The following ARHGAP29 variants were observed in gnomAD, a reference collection of about 807,000 sequenced individuals.
The protein encoded by ARHGAP29 is rho GTPase-activating protein 29.
ARHGAP29 carries 43 observed loss-of-function variants against 122.6 expected under a neutral mutation model. The observed-to-expected ratio is 0.35, with a 90% CI of 0.27 to 0.45. The LOEUF is 0.45. Among genes scored for constraint, ARHGAP29 ranks in the 20% least tolerant of loss-of-function variants. The pLI, the probability that ARHGAP29 is intolerant of heterozygous loss-of-function variation, is 1.00. For synonymous variants in ARHGAP29, 506 were observed against 497.1 expected, an observed-to-expected ratio of 1.02 and a Z score of -0.24; for missense variants, 1,303 against 1,477.2, an observed-to-expected ratio of 0.88 and a Z score of 1.93.
At chr1:94,184,637 C>G (rs961277908) in intron 18 of ARHGAP29, among the ~76,000 whole-genome samples, 1 of 151,582 alleles carries the variant, frequency 6.6e-6, no homozygotes, top group African/African-American at 2.4e-5. Flanking sequence ...GCCTGTGGTC[C>G]CAGCTACTCA....
chr1:94,229,882 C>T (rs1453352006), intron 2 of ARHGAP29, among the ~76,000 whole-genome samples: 1 of 151,344 alleles, frequency 6.6e-6, no homozygotes, highest in African/African-American at 2.4e-5. Flanking sequence ...ATCTGTGACA[C>T]AAGGATAATT....
chr1:94,252,433 T>C (rs1654132495), intron 1 of ARHGAP29, among the ~76,000 whole-genome samples: 1 of 152,136 alleles, frequency 6.6e-6, no homozygotes, highest in Non-Finnish European at 1.5e-5. Context: ...AAATAAAGGA[T>C]AGTTACAGTG....
intron 1 of ARHGAP29, among the ~76,000 whole-genome samples, chr1:94,270,186 T>A (rs1557896956): frequency 6.6e-6 from 1 of 152,186 alleles, no homozygotes; most frequent in Non-Finnish European, 1.5e-5. Context: ...CACTCTAGAA[T>A]GTGGAAAATA....
At chr1:94,310,331 G>A in the ARHGAP29 span, among the ~76,000 whole-genome samples, 2 of 152,162 alleles carry the variant, frequency 1.3e-5, no homozygotes, top group Non-Finnish European at 2.9e-5. Context: ...GGCTTCTACG[G>A]CCCGGGAAGA....
the ARHGAP29 span, among the ~76,000 whole-genome samples, chr1:94,304,421 C>A: frequency 6.6e-6 from 1 of 152,188 alleles, no homozygotes; most frequent in East Asian, 1.9e-4. Context: ...ATAACAGGCG[C>A]GAGCCACCAC....
At chr1:94,251,707 C>T (rs564328427) in intron 1 of ARHGAP29, among the ~76,000 whole-genome samples, 7 of 152,308 alleles carry the variant, frequency 4.6e-5, no homozygotes, top group South Asian at 4.1e-4. Flanking sequence ...CATACATCTA[C>T]GTGACTTGTT....
At chr1:94,242,460 G>A (rs1653630495), upstream of ARHGAP29, among the ~76,000 whole-genome samples, 1 of 152,058 alleles carries the variant, frequency 6.6e-6, no homozygotes, top group Non-Finnish European at 1.5e-5. Flanking sequence ...TAGCGTAAAG[G>A]AGGAGGAAAT....
At position 94,174,159 on chromosome 1, in the gene ARHGAP29, ATGT is replaced by A. The variant is rs1324763951; in HGVS notation, c.3493_3495del (p.Thr1165del). 6.2e-6 allele frequency: 10 copies of A among 1,614,004 alleles called. No individual in the cohort carries two copies. The highest frequency in any genetic ancestry group is 8.5e-6 in the Non-Finnish European group (10 of 1,180,016). On this transcript the variant is annotated inframe_deletion, in exon 23 of 23. Transcript: ENST00000260526. ...ATGATGGGAGCATGTGGTTTATAAA[ATGT>A]TGTCCAATGTTGAGGCTGCAGTGTT...
At chr1:94,205,833 G>T in intron 5 of ARHGAP29, 150 bp from the exon 6 acceptor site, 1 of 641,042 alleles carries the variant, frequency 1.6e-6, no homozygotes, top group Non-Finnish European at 2.7e-6. Flanking sequence ...GTCTGTTTAA[G>T]TGCCAGAACA....
At chr1:94,311,363 C>T in the ARHGAP29 span, among the ~76,000 whole-genome samples, 199 of 152,274 alleles carry the variant, frequency 1.3e-3, 2 homozygotes, top group African/African-American at 4.7e-3. Context: ...CTTTTCTTCT[C>T]TCCCTCTCTC....
At chr1:94,256,619 G>A (rs1197233483) in intron 1 of ARHGAP29, among the ~76,000 whole-genome samples, 6 of 122,650 alleles carry the variant, frequency 4.9e-5, no homozygotes, top group South Asian at 2.8e-4. Flanking sequence ...GTGCAGTGGC[G>A]CGATTCTCGG....
At chr1:94,281,033 A>G in the ARHGAP29 span, among the ~76,000 whole-genome samples, 1 of 152,280 alleles carries the variant, frequency 6.6e-6, no homozygotes, top group Non-Finnish European at 1.5e-5. Flanking sequence ...AAACATTTCA[A>G]TCCTTTCAAG....
intron 1 of ARHGAP29, among the ~76,000 whole-genome samples, chr1:94,271,693 A>C (rs1655000500): frequency 1.3e-5 from 2 of 152,216 alleles, no homozygotes. Flanking sequence ...ATGAGACTGC[A>C]TCCCCTCTCT....
At chr1:94,217,134 T>A (rs1350562168) in intron 3 of ARHGAP29, among the ~76,000 whole-genome samples, 1 of 152,216 alleles carries the variant, frequency 6.6e-6, no homozygotes, top group African/African-American at 2.4e-5. Flanking sequence ...CTGTATTTTT[T>A]TTCTATTGTT....
chr1:94,168,907 T>A lies in ARHGAP29; in HGVS notation c.*4962A>T, dbSNP rs145543316. Among the ~76,000 whole-genome samples, 1 of 152,228 alleles carries A rather than the reference T, an allele frequency of 6.6e-6. No individual in the cohort carries two copies. Among genetic ancestry groups the A allele is most frequent in the African/African-American group, 2.4e-5 (1 of 41,470 alleles). On this transcript the variant is annotated 3_prime_UTR_variant, in exon 23 of 23. Coordinates refer to ENST00000260526, the MANE Select transcript of ARHGAP29 (RefSeq NM_004815.4). ...AAATAAAACTTGTAACTCAGAAGCA[T>A]AGCCAATTAGTCGTTTAATCTATTT...
intron 1 of ARHGAP29, among the ~76,000 whole-genome samples, chr1:94,254,331 A>G (rs1247467589): frequency 2.0e-5 from 3 of 152,194 alleles, no homozygotes; most frequent in African/African-American, 2.4e-5. Context: ...AGACATAACC[A>G]TATATCCTAC....
Position 94,171,531 on chromosome 1 carries a change from T to C in ARHGAP29, c.*2338A>G, listed in dbSNP as rs901582241. On this transcript the variant is annotated 3_prime_UTR_variant, in exon 23 of 23. Coordinates refer to ENST00000260526, the MANE Select transcript of ARHGAP29 (RefSeq NM_004815.4). ...TTCCTTTTGGTCACGTATCTTTCCA[T>C]GTTGCAAAAAACAACTTCTGGATAA... Among the ~76,000 whole-genome samples the C allele has an allele frequency of 1.3e-5, 2 of 152,188 alleles. No homozygotes were observed. Among genetic ancestry groups the C allele is most frequent in the South Asian group, 2.1e-4 (1 of 4,834 alleles).
chr1:94,261,982 C>T (rs894870303), intron 1 of ARHGAP29, among the ~76,000 whole-genome samples: 1 of 152,158 alleles, frequency 6.6e-6, no homozygotes, highest in African/African-American at 2.4e-5. Context: ...CTGGAGGCAT[C>T]ACACTAGCCA....
At chr1:94,198,503 C>T (rs999437110) in intron 12 of ARHGAP29, among the ~76,000 whole-genome samples, 2 of 151,904 alleles carry the variant, frequency 1.3e-5, no homozygotes, top group Admixed American at 1.3e-4. Context: ...ACCCCCCAAA[C>T]CAATTAACAA....
Sources: allele counts gnomAD v4.1 joint callset (sites outside exome capture counted in the v4.1 genomes callset), GRCh38; gene constraint gnomAD v4.1.1; transcripts MANE v1.5; gene names NCBI Gene and HGNC (gene_info 2026-07-23, HGNC 2026-07-21).